HMCN1: variants seen among roughly 807,000 people sequenced by gnomAD.
HMCN1 encodes hemicentin 1.
A neutral mutation model predicts 625.9 loss-of-function variants in HMCN1; 321 were observed. The ratio of observed to expected loss-of-function variants is 0.51; its 90% CI spans 0.47 to 0.56. The LOEUF (loss-of-function observed/expected upper bound fraction) is 0.56. Among genes scored for constraint, HMCN1 ranks in the 20% least tolerant of loss-of-function variants. The probability of loss-of-function intolerance (pLI) is 0.00; values close to 1 mark genes in which losing one functional copy is unlikely to be tolerated. For missense variants in HMCN1, 6,588 were observed against 6,887.3 expected, an observed-to-expected ratio of 0.96 and a Z score of 1.54; for synonymous variants, 2,425 against 2,417.6, an observed-to-expected ratio of 1.00 and a Z score of -0.09.
chr1:185,904,664 GTA>G (rs1205029726), intron 4 of HMCN1, among the ~76,000 whole-genome samples: 1 of 151,822 alleles, frequency 6.6e-6, no homozygotes, highest in African/African-American at 2.4e-5. Flanking sequence ...CTTATTAGCT[GTA>G]TATCTTATGA....
chr1:185,764,527 G>GTCA (rs1655738187), intron 1 of HMCN1, among the ~76,000 whole-genome samples: 1 of 152,112 alleles, frequency 6.6e-6, no homozygotes, highest in African/African-American at 2.4e-5. Context: ...GTATCACTCT[G>GTCA]TCAGGCAGTA....
intron 55 of HMCN1, 151 bp from the exon 56 acceptor site, chr1:186,081,056 A>G (rs1393485623): frequency 1.3e-6 from 1 of 759,704 alleles, no homozygotes; most frequent in East Asian, 2.5e-5. Context: ...CCAATTTATT[A>G]GTATAAAATG....
intron 57 of HMCN1, among the ~76,000 whole-genome samples, chr1:186,083,250 T>G (rs1384060763): frequency 6.6e-6 from 1 of 152,088 alleles, no homozygotes; most frequent in Non-Finnish European, 1.5e-5. Context: ...ATTACAAGTT[T>G]ATGAAGTTAG....
In HMCN1 at chr1:186,112,833, C is replaced by G. The variant is rs150618921; in HGVS notation, c.11011C>G (p.Leu3671Val). The G allele has an allele frequency of 1.0e-4, 169 of 1,614,158 alleles. No homozygotes were observed. The African/African-American group carries it at 1.7e-3, about 17-fold the overall frequency. The change falls in exon 72 of 107, where the codon CTA becomes GTA. Residue 3671 changes from leucine to valine, a missense_variant. Physicochemically the swap from Leu to Val is conservative, Grantham distance 32. This residue lies in a region of HMCN1 where 4,628 missense variants were observed against 4,853.1 expected (regional missense o/e 0.95). Coordinates refer to ENST00000271588, the MANE Select transcript of HMCN1 (RefSeq NM_031935.3). Reference sequence around the variant, plus strand: ...CCAGGCAACACCTCGAGTGCGAATCCTATCTGGAGGGAGATACTTGCAAAT... The same window carrying G: ...CCAGGCAACACCTCGAGTGCGAATCGTATCTGGAGGGAGATACTTGCAAAT... ...RLQATPRVRI[L>V]SGGRYLQINN...
chr1:186,075,778 C>G (rs181546090), intron 53 of HMCN1, among the ~76,000 whole-genome samples: 8 of 152,222 alleles, frequency 5.3e-5, no homozygotes, highest in Admixed American at 5.2e-4. Context: ...ATAAATAATG[C>G]TACACTGAAC....
At chr1:185,810,262 A>G (rs1037581704) in intron 1 of HMCN1, among the ~76,000 whole-genome samples, 1 of 152,138 alleles carries the variant, frequency 6.6e-6, no homozygotes, top group Non-Finnish European at 1.5e-5. Flanking sequence ...AAAATGTGTT[A>G]TAGCTAAATT....
chr1:185,853,417 A>G (rs1662278817), intron 2 of HMCN1, among the ~76,000 whole-genome samples: 1 of 152,192 alleles, frequency 6.6e-6, no homozygotes, highest in Non-Finnish European at 1.5e-5. Context: ...ATTGAAAGGT[A>G]CTATATCTAC....
intron 1 of HMCN1, among the ~76,000 whole-genome samples, chr1:185,814,322 C>G (rs909337424): frequency 1.3e-5 from 2 of 152,124 alleles, no homozygotes; most frequent in African/African-American, 4.8e-5. Flanking sequence ...CATCTGTGTA[C>G]TATAAAATTA....
At chr1:186,005,019 A>G (rs1278691673) in intron 29 of HMCN1, among the ~76,000 whole-genome samples, 4 of 140,638 alleles carry the variant, frequency 2.8e-5, no homozygotes, top group Non-Finnish European at 5.9e-5. Context: ...CACCATTGAT[A>G]TATTAAAACT....
chr1:186,124,915 A>G (rs1661572519), intron 81 of HMCN1, among the ~76,000 whole-genome samples: 1 of 152,042 alleles, frequency 6.6e-6, no homozygotes, highest in African/African-American at 2.4e-5. Flanking sequence ...TCTAAGTCCA[A>G]TCAAGTATTT....
At chr1:186,146,292 A>G (rs935073316) in intron 93 of HMCN1, among the ~76,000 whole-genome samples, 3 of 152,196 alleles carry the variant, frequency 2.0e-5, no homozygotes, top group Non-Finnish European at 4.4e-5. Flanking sequence ...GAATGACATG[A>G]GCGTGGGAAG....
intron 57 of HMCN1, among the ~76,000 whole-genome samples, chr1:186,084,269 A>T (rs1371618938): frequency 3.3e-5 from 5 of 152,122 alleles, no homozygotes; most frequent in Non-Finnish European, 7.4e-5. Flanking sequence ...GTTGCTAAAT[A>T]AATGTTTTCT....
chr1:185,803,103 G>T (rs779243804), intron 1 of HMCN1, among the ~76,000 whole-genome samples: 42 of 142,358 alleles, frequency 3.0e-4, no homozygotes, highest in Non-Finnish European at 5.7e-4. Flanking sequence ...AATTCTCTGT[G>T]AATTTCTTGA....
At chr1:185,831,207 C>T (rs1660837372) in intron 1 of HMCN1, among the ~76,000 whole-genome samples, 2 of 151,940 alleles carry the variant, frequency 1.3e-5, no homozygotes, top group African/African-American at 4.8e-5. Context: ...AATAAACATC[C>T]TGATTAAAGG....
chr1:186,104,831 C>T (rs1571357512), intron 69 of HMCN1, among the ~76,000 whole-genome samples: 2 of 152,098 alleles, frequency 1.3e-5, no homozygotes, highest in Admixed American at 6.6e-5. Context: ...AACTTAGAGT[C>T]AGGTTAAACT....
intron 103 of HMCN1, among the ~76,000 whole-genome samples, chr1:186,175,189 T>C (rs1652483177): frequency 1.3e-5 from 2 of 152,236 alleles, no homozygotes; most frequent in African/African-American, 4.8e-5. Flanking sequence ...TATTTGAATA[T>C]GAAGGCAAAT....
intron 29 of HMCN1, among the ~76,000 whole-genome samples, chr1:186,005,695 A>C (rs541343114): frequency 3.9e-5 from 6 of 152,322 alleles, no homozygotes; most frequent in South Asian, 2.1e-4. Context: ...GCAGACTCAC[A>C]TTAGGGGCCA....
Position 186,023,103 on chromosome 1 carries a change from C to T in HMCN1, c.5699C>T (p.Ala1900Val), listed in dbSNP as rs781086000. 5.6e-6 allele frequency: 9 copies of T among 1,613,194 alleles called. No homozygotes were observed. The African/African-American group carries it at 6.7e-5, about 12-fold the overall frequency. Reference protein sequence around the residue: ...LEDAGRYTCVATNAAGETQQH... With the variant: ...LEDAGRYTCVVTNAAGETQQH... ...GATGCTGGCAGATACACATGTGTGGCTACCAACGCAGCTGGAGAAACACAA... is the reference window on the plus strand; with the variant it reads ...GATGCTGGCAGATACACATGTGTGGTTACCAACGCAGCTGGAGAAACACAA... Residue 1900 changes from alanine to valine, a missense_variant, in exon 36 of 107, where the codon GCT (alanine) becomes GTT (valine). Coordinates refer to ENST00000271588, the MANE Select transcript of HMCN1 (RefSeq NM_031935.3).
chr1:185,743,995 T>G (rs1046730242), intron 1 of HMCN1, among the ~76,000 whole-genome samples: 3 of 142,246 alleles, frequency 2.1e-5, no homozygotes, highest in Non-Finnish European at 4.6e-5. Flanking sequence ...TTTTTTTTTT[T>G]TTTTTTTTTT....
Sources: gnomAD v4.1 joint callset for allele counts (sites outside exome capture counted in the v4.1 genomes callset) on GRCh38, gnomAD v4.1.1 for gene constraint, gnomAD v4.1.1 regional missense constraint, MANE v1.5 for transcripts, NCBI Gene and HGNC (gene_info 2026-07-23, HGNC 2026-07-21) for gene names.